The following RIC3 variants were observed in gnomAD, a reference collection of about 807,000 sequenced individuals.
The protein encoded by RIC3 is protein RIC-3.
RIC3 carries 28 observed loss-of-function variants against 27.3 expected under a neutral mutation model. That is an observed-to-expected ratio of 1.02 (90% CI 0.76 to 1.41). The LOEUF is 1.41. Among genes scored for constraint, RIC3 ranks in the 40% most tolerant of loss-of-function variants. The pLI, the probability that RIC3 is intolerant of heterozygous loss-of-function variation, is 0.00. For synonymous variants in RIC3, 184 were observed against 160.4 expected (o/e 1.15, Z -1.11); for missense variants, 501 against 444.7 (o/e 1.13, Z -1.14).
intron 5 of RIC3, among the ~76,000 whole-genome samples, chr11:8,122,621 T>C (rs1946577046): frequency 6.6e-6 from 1 of 152,236 alleles, no homozygotes; most frequent in South Asian, 2.1e-4. Flanking sequence ...AACCCAAATG[T>C]TCCTCAACTG....
At chr11:8,125,367 C>G (rs765344107) in intron 5 of RIC3, among the ~76,000 whole-genome samples, 1 of 151,712 alleles carries the variant, frequency 6.6e-6, no homozygotes, top group African/African-American at 2.4e-5. Context: ...AGGCAAGCTA[C>G]AGAAAATATT....
At chr11:8,098,730 C>G in the RIC3 span, 1 of 1,544,174 alleles carries the variant, frequency 6.5e-7, no homozygotes, top group East Asian at 2.2e-5. Context: ...GGGTGCATGA[C>G]TCTATACTGA....
rs189526316 is a variant in RIC3 at position 8,128,520 on chromosome 11, T to C, written c.522-1713A>G. Among the ~76,000 whole-genome samples the C allele has an allele frequency of 1.3e-5, 2 of 152,280 alleles. 1 individual carries two copies. The highest frequency in any genetic ancestry group is 4.8e-5 in the African/African-American group (2 of 41,562). ...TACCTTATGACATCTTCTGAATTTA[T>C]TGCAATGAATATTTTCATGGATTCC... On this transcript the variant is annotated intron_variant, in intron 4 of 5. Coordinates refer to ENST00000309737, the MANE Select transcript of RIC3 (RefSeq NM_001206671.4).
chr11:8,097,638 T>C, the RIC3 span: 1 of 1,371,048 alleles, frequency 7.3e-7, no homozygotes, highest in East Asian at 2.3e-5. Context: ...ACGGAGAGAG[T>C]CTGTGTGAGT....
chr11:8,112,269 ATTTTCTTTTCTTTTCTTTTC>A (rs554268072), intron 5 of RIC3, among the ~76,000 whole-genome samples: 1 of 148,630 alleles, frequency 6.7e-6, no homozygotes, highest in African/African-American at 2.5e-5. Flanking sequence ...ATACACATAT[ATTTTCTTTTCTTTTCTTTTC>A]TTTTCTTTTT....
At chr11:8,099,481 T>A in the RIC3 span, among the ~76,000 whole-genome samples, 3 of 152,190 alleles carry the variant, frequency 2.0e-5, no homozygotes, top group African/African-American at 4.8e-5. Context: ...CTTTGTATGA[T>A]CCTGTGGTGC....
At chr11:8,166,550 G>A (rs1009567904) in intron 1 of RIC3, among the ~76,000 whole-genome samples, 1 of 152,138 alleles carries the variant, frequency 6.6e-6, no homozygotes, top group Non-Finnish European at 1.5e-5. Flanking sequence ...AGTACAATAA[G>A]AGTATGTACC....
intron 4 of RIC3, among the ~76,000 whole-genome samples, chr11:8,129,998 T>A (rs1298300795): frequency 2.0e-5 from 3 of 152,238 alleles, no homozygotes; most frequent in Non-Finnish European, 4.4e-5. Context: ...CTTTCCCTTC[T>A]TTTGTATTTT....
intron 5 of RIC3, among the ~76,000 whole-genome samples, chr11:8,117,160 T>C (rs1009733048): frequency 5.9e-5 from 9 of 152,168 alleles, no homozygotes; most frequent in African/African-American, 1.9e-4. Flanking sequence ...TCTCCACCTC[T>C]TGGACTCATC....
intron 5 of RIC3, among the ~76,000 whole-genome samples, chr11:8,118,531 A>AC (rs1946117948): frequency 8.2e-6 from 1 of 122,554 alleles, no homozygotes; most frequent in Non-Finnish European, 1.7e-5. Flanking sequence ...TAATTGTAAA[A>AC]AAAAAAAAAA....
At chr11:8,096,272 G>A in the RIC3 span, among the ~76,000 whole-genome samples, 6 of 152,196 alleles carry the variant, frequency 3.9e-5, no homozygotes, top group South Asian at 2.1e-4. Flanking sequence ...GGCAGATTCC[G>A]TGGTCTATGC....
At chr11:8,100,613 C>T in the RIC3 span, 1 of 1,608,698 alleles carries the variant, frequency 6.2e-7, no homozygotes, top group African/African-American at 1.3e-5. Flanking sequence ...TGAGTGTCTA[C>T]CCCTTCCTCC....
intron 1 of RIC3, chr11:8,153,356 AATGAC>A: frequency 2.3e-6 from 1 of 433,170 alleles, no homozygotes; most frequent in Non-Finnish European, 4.5e-6. Flanking sequence ...GCATAGTTAC[AATGAC>A]ATGGTAACTC....
chr11:8,135,415 A>C (rs574559311), intron 4 of RIC3, among the ~76,000 whole-genome samples: 1 of 152,188 alleles, frequency 6.6e-6, no homozygotes, highest in Non-Finnish European at 1.5e-5. Flanking sequence ...GTCAGGTAGC[A>C]TGATGCCTCC....
chr11:8,094,053 G>T, the RIC3 span: 1 of 1,614,136 alleles, frequency 6.2e-7, no homozygotes, highest in Non-Finnish European at 8.5e-7. Context: ...CAGTTCAAGA[G>T]GCCGACTCAC....
Position 8,131,900 on chromosome 11 carries a change from C to CAAAA in RIC3, c.522-5097_522-5094dup, listed in dbSNP as rs796158730. On this transcript the variant is annotated intron_variant, in intron 4 of 5. Coordinates refer to ENST00000309737, the MANE Select transcript of RIC3 (RefSeq NM_001206671.4). ...TGGGTGACAGAGAGAGACTCCATCT[C>CAAAA]AAAAAAAAAAAAAAAAAAAAAAAAA... Among the ~76,000 whole-genome samples, 64 of 26,186 alleles carry CAAAA rather than the reference C, an allele frequency of 2.4e-3. 4 individuals are homozygous for CAAAA. The highest frequency in any genetic ancestry group is 6.7e-3 in the African/African-American group (59 of 8,854). The allele number at this position is 26,186 out of a possible 152,430, so 17.2% of individuals were successfully genotyped here.
chr11:8,163,064 C>T (rs1590414244), intron 1 of RIC3, among the ~76,000 whole-genome samples: 1 of 140,766 alleles, frequency 7.1e-6, no homozygotes, highest in Admixed American at 6.9e-5. Flanking sequence ...CACACACACA[C>T]ACACCCCCCA....
chr11:8,095,415 C>G, the RIC3 span: 2 of 1,448,908 alleles, frequency 1.4e-6, no homozygotes, highest in Non-Finnish European at 1.9e-6. Flanking sequence ...CCACTCTTCC[C>G]TCATCCCCTT....
chr11:8,095,999 A>G, the RIC3 span, among the ~76,000 whole-genome samples: 59 of 152,334 alleles, frequency 3.9e-4, no homozygotes, highest in African/African-American at 1.4e-3. Flanking sequence ...CCTGCTGTTC[A>G]GTTTTCCCAC....
Sources: allele counts gnomAD v4.1 joint callset (sites outside exome capture counted in the v4.1 genomes callset), GRCh38; gene constraint gnomAD v4.1.1; transcripts MANE v1.5; gene names NCBI Gene and HGNC (gene_info 2026-07-23, HGNC 2026-07-21).